GALNT5: variants seen among roughly 807,000 people sequenced by gnomAD.
GALNT5 encodes polypeptide N-acetylgalactosaminyltransferase 5, also known as UDP-GalNAc:polypeptide N-acetylgalactosaminyltransferase 5.
GALNT5 carries 72 observed loss-of-function variants against 85.4 expected under a neutral mutation model. The ratio of observed to expected loss-of-function variants is 0.84; its 90% CI spans 0.70 to 1.03. The LOEUF is 1.03. Among genes scored for constraint, GALNT5 ranks in the 50% least tolerant of loss-of-function variants. GALNT5 has a pLI of 0.00. For missense variants in GALNT5, 1,137 were observed against 1,135.5 expected (o/e 1.00, Z -0.02); for synonymous variants, 404 against 397.0 (o/e 1.02, Z -0.21).
At chr2:157,294,906 C>A (rs1293882657) in intron 3 of GALNT5, among the ~76,000 whole-genome samples, 6 of 151,534 alleles carry the variant, frequency 4.0e-5, no homozygotes, top group Admixed American at 6.6e-5. Context: ...TTACTTCACA[C>A]AACTAACAGG....
intron 1 of GALNT5, among the ~76,000 whole-genome samples, chr2:157,260,410 C>T (rs947528480): frequency 6.6e-6 from 1 of 152,192 alleles, no homozygotes; most frequent in Admixed American, 6.5e-5. Flanking sequence ...AAGTTAAATT[C>T]CTATAACTAT....
At chr2:157,288,186 C>T (rs549969823) in intron 3 of GALNT5, among the ~76,000 whole-genome samples, 4 of 152,324 alleles carry the variant, frequency 2.6e-5, no homozygotes, top group African/African-American at 9.6e-5. Context: ...TTAATTTTCT[C>T]ATAACTGGAC....
At chr2:157,264,615 T>C (rs943054921) in intron 1 of GALNT5, among the ~76,000 whole-genome samples, 2 of 152,110 alleles carry the variant, frequency 1.3e-5, no homozygotes, top group Non-Finnish European at 2.9e-5. Context: ...TTGGCACATT[T>C]GAAAAGCAAA....
Position 157,258,724 on chromosome 2 carries a change from G to A in GALNT5, c.642G>A (p.Arg214=). 6.2e-7 allele frequency: 1 copy of A among 1,613,930 alleles called. No individual in the cohort carries two copies. The change falls in exon 1 of 10, where the codon AGG becomes AGA. Residue 214 remains arginine (R), a synonymous_variant. Transcript: ENST00000259056. The stretch of plus-strand genomic sequence containing the variant: ...ACACATCAAAACTAGCAGCTGAAAG[G>A]GACTTGAATGTGACCATCAGTCTTA... ...SSDTSKLAAE[R]DLNVTISLST... is the part of the protein sequence containing the mutation.
At position 157,300,769 on chromosome 2, in the gene GALNT5, C is replaced by T. The variant is rs770512567; in HGVS notation, c.2209C>T (p.Arg737Trp). ...NDNPYSFPKD[R>W]MKTVERNLVR... Reference sequence around the variant, plus strand: ...CAATCCATATTCCTTCCCCAAAGACCGGATGAAGACAGTGGAGCGGAACTT... The same window carrying T: ...CAATCCATATTCCTTCCCCAAAGACTGGATGAAGACAGTGGAGCGGAACTT... Residue 737 changes from arginine (R) to tryptophan (W), a missense_variant, in exon 7 of 10, where the codon CGG becomes TGG. By Grantham distance (101) the Arg-to-Trp change is moderately radical. Coordinates refer to ENST00000259056, the MANE Select transcript of GALNT5 (RefSeq NM_014568.3). The T allele has an allele frequency of 2.3e-5, 37 of 1,613,818 alleles. No homozygotes were observed. Among genetic ancestry groups the T allele is most frequent in the Admixed American group, 8.3e-5 (5 of 59,994 alleles).
At position 157,295,534 on chromosome 2, in the gene GALNT5, G is replaced by GA. The variant is rs57727429; in HGVS notation, c.1742-116dup. 4,179 of 490,782 alleles carry GA rather than the reference G, an allele frequency of 8.5e-3. 2 individuals are homozygous for GA. The highest frequency in any genetic ancestry group is 0.013 in the East Asian group (369 of 29,274). 30.4% of individuals were successfully genotyped at this position (490,782 alleles called of 1,614,324 possible). ...TGAAATTATAGTGACCACGAATTCA[G>GA]AAAAAAAAAAAAAGGTCACTGCATT... On this transcript the variant is annotated intron_variant, in intron 3 of 9. Coordinates refer to ENST00000259056, the MANE Select transcript of GALNT5 (RefSeq NM_014568.3).
chr2:157,281,853 G>A (rs894005241), intron 1 of GALNT5, among the ~76,000 whole-genome samples: 9 of 152,134 alleles, frequency 5.9e-5, no homozygotes, highest in Non-Finnish European at 1.2e-4. Context: ...TGATGAAATC[G>A]GATATTTAGC....
Position 157,318,266 on chromosome 2 carries a change from T to C in GALNT5, c.*6918T>C, listed in dbSNP as rs1367072969. Among the ~76,000 whole-genome samples, 2 of 152,158 alleles carry C rather than the reference T, an allele frequency of 1.3e-5. No homozygotes were observed. Among genetic ancestry groups the C allele is most frequent in the Admixed American group, 1.3e-4 (2 of 15,270 alleles). On this transcript the variant is annotated 3_prime_UTR_variant, in exon 10 of 10. Transcript: ENST00000259056. The stretch of plus-strand genomic sequence containing the variant: ...ATCCCATGTAAATATGCAGAAACGA[T>C]TGCTATGAAAATGTCAGCATAGTTT...
chr2:157,270,177 G>A lies in GALNT5; in HGVS notation c.1454+10641G>A, dbSNP rs377285636. Among the ~76,000 whole-genome samples the A allele has an allele frequency of 2.8e-4, 43 of 152,142 alleles. No homozygotes were observed. The South Asian group carries it at 8.5e-3, about 30-fold the overall frequency. On this transcript the variant is annotated intron_variant, in intron 1 of 9. Coordinates refer to ENST00000259056, the MANE Select transcript of GALNT5 (RefSeq NM_014568.3). ...CGGAACATTCAACCACCTTACACCA[G>A]TCCCCTCAAACCTCACTACCCATTC...
At chr2:157,275,012 G>A (rs1330032617) in intron 1 of GALNT5, among the ~76,000 whole-genome samples, 1 of 152,196 alleles carries the variant, frequency 6.6e-6, no homozygotes, top group Non-Finnish European at 1.5e-5. Flanking sequence ...TTTGTATAAA[G>A]TGTAAGGAAG....
chr2:157,304,455 G>A (rs1683411032), intron 7 of GALNT5, among the ~76,000 whole-genome samples: 1 of 152,188 alleles, frequency 6.6e-6, no homozygotes, highest in African/African-American at 2.4e-5. Context: ...ATCCAAGGCA[G>A]GTGGTGTAAA....
At chr2:157,293,416 C>T (rs1683141699) in intron 3 of GALNT5, among the ~76,000 whole-genome samples, 1 of 152,180 alleles carries the variant, frequency 6.6e-6, no homozygotes, top group Non-Finnish European at 1.5e-5. Context: ...AGACTCCACC[C>T]TCATGATCTT....
chr2:157,277,630 C>G (rs1317894760), intron 1 of GALNT5, among the ~76,000 whole-genome samples: 1 of 152,182 alleles, frequency 6.6e-6, no homozygotes, highest in Non-Finnish European at 1.5e-5. Context: ...TTATCAGAGA[C>G]TAAGATTGCA....
At chr2:157,284,141 A>C (rs1260776396) in intron 1 of GALNT5, 141 bp from the exon 2 acceptor site, 1 of 638,358 alleles carries the variant, frequency 1.6e-6, no homozygotes, top group African/African-American at 1.8e-5. Context: ...GGTATATATA[A>C]ATAGATGATA....
At position 157,314,527 on chromosome 2, in the gene GALNT5, C is replaced by T. The variant is rs907623501; in HGVS notation, c.*3179C>T. 2.6e-5 allele frequency among the ~76,000 whole-genome samples: 4 copies of T among 152,156 alleles called. No homozygotes were observed. The highest frequency in any genetic ancestry group is 4.4e-5 in the Non-Finnish European group (3 of 68,024). On this transcript the variant is annotated 3_prime_UTR_variant, in exon 10 of 10. Coordinates refer to ENST00000259056, the MANE Select transcript of GALNT5 (RefSeq NM_014568.3). ...CATGATCACAATGTATTATTAGCTTCGCCACACTAATTTGGAAACATTCTT... is the reference window on the plus strand; with the variant it reads ...CATGATCACAATGTATTATTAGCTTTGCCACACTAATTTGGAAACATTCTT...
At chr2:157,304,255 A>AT (rs750120446) in intron 7 of GALNT5, among the ~76,000 whole-genome samples, 9 of 152,184 alleles carry the variant, frequency 5.9e-5, no homozygotes, top group African/African-American at 9.6e-5. Context: ...ATTTACTAAC[A>AT]GTGAGCTGTC....
intron 1 of GALNT5, among the ~76,000 whole-genome samples, chr2:157,271,944 T>C (rs1442318447): frequency 6.6e-6 from 1 of 152,162 alleles, no homozygotes; most frequent in Non-Finnish European, 1.5e-5. Flanking sequence ...GAGAATCTTG[T>C]GTTTCTTAAG....
rs1335601464 is a variant in GALNT5, at chr2:157,314,792, T to A, written c.*3444T>A. On this transcript the variant is annotated 3_prime_UTR_variant, in exon 10 of 10. Transcript: ENST00000259056. ...TATATTCAGAATACAAGAAAAAAAA[T>A]TTACCAACCAGGCGCAGTGGCTCAC... 6.6e-6 allele frequency among the ~76,000 whole-genome samples: 1 copy of A among 151,966 alleles called. No homozygotes were observed. The highest frequency in any genetic ancestry group is 6.6e-5 in the Admixed American group (1 of 15,254).
In GALNT5 at chr2:157,315,930, G is replaced by C. The variant is rs1683692117; in HGVS notation, c.*4582G>C. 6.6e-6 allele frequency among the ~76,000 whole-genome samples: 1 copy of C among 152,118 alleles called. No individual in the cohort carries two copies. The highest frequency in any genetic ancestry group is 2.4e-5 in the African/African-American group (1 of 41,418). On this transcript the variant is annotated 3_prime_UTR_variant, in exon 10 of 10. Transcript: ENST00000259056. ...ACAGTTGCTCAAGAGAGGGTTTTCT[G>C]GGTTTGGGGCAAGATTTGATTGATT...
Sources: allele counts gnomAD v4.1 joint callset (sites outside exome capture counted in the v4.1 genomes callset), GRCh38; gene constraint gnomAD v4.1.1; transcripts MANE v1.5; gene names NCBI Gene and HGNC (gene_info 2026-07-23, HGNC 2026-07-21).